The following KLF3 variants were observed in gnomAD, a reference collection of about 807,000 sequenced individuals.
KLF3 encodes the protein Krueppel-like factor 3.
In KLF3, 6 loss-of-function variants were observed where a neutral mutation model predicts 32.7. The ratio of observed to expected loss-of-function variants is 0.18; its 90% confidence interval spans 0.10 to 0.36. The LOEUF (loss-of-function observed/expected upper bound fraction) is 0.36. KLF3 is among the 10% of genes least tolerant of loss of function. The pLI is 1.00. For missense variants in KLF3, 338 were observed against 449.7 expected (o/e 0.75, Z 2.25); for synonymous variants, 145 against 172.8 (o/e 0.84, Z 1.26).
At position 38,699,140 on chromosome 4, in the gene KLF3, G is replaced by T. The variant is rs550344540; in HGVS notation, c.*1877G>T. On this transcript the variant is annotated 3_prime_UTR_variant, in exon 6 of 6. Transcript: ENST00000261438. ...ATGTAGTTAAGAAATGCAAAGAAATGTGTTATCTTGGCACTTGGGTTTGAT... is the reference window on the plus strand; with the variant it reads ...ATGTAGTTAAGAAATGCAAAGAAATTTGTTATCTTGGCACTTGGGTTTGAT... 2.0e-5 allele frequency: 3 copies of T among 152,152 alleles called. No homozygotes were observed. Among genetic ancestry groups the T allele is most frequent in the Non-Finnish European group, 2.9e-5 (2 of 68,036 alleles). 9.4% of individuals were successfully genotyped at this position (152,152 alleles called of 1,614,324 possible).
chr4:38,670,515 C>T (rs1202379165), intron 1 of KLF3, among the ~76,000 whole-genome samples: 3 of 152,200 alleles, frequency 2.0e-5, no homozygotes, highest in Non-Finnish European at 4.4e-5. Flanking sequence ...TTTCTACTAC[C>T]ACTGTTGTTT....
chr4:38,682,909 GT>G (rs138700957), intron 2 of KLF3, among the ~76,000 whole-genome samples: 12 of 150,820 alleles, frequency 8.0e-5, no homozygotes, highest in Admixed American at 2.6e-4. Flanking sequence ...AAATGAAGGT[GT>G]TTTTTTTTCT....
rs895062989 is a variant in KLF3 at position 38,671,359 on chromosome 4, G to C, written c.-40+6898G>C. Among the ~76,000 whole-genome samples, 1 of 152,212 alleles carries C rather than the reference G, an allele frequency of 6.6e-6. No individual in the cohort carries two copies. Among genetic ancestry groups the C allele is most frequent in the Non-Finnish European group, 1.5e-5 (1 of 68,038 alleles). ...CAGCAGTTATATCGACAATGCAGGT[G>C]CACTGGCTAGGAAGAATAATTGCCT... On this transcript the variant is annotated intron_variant, in intron 1 of 5. Coordinates refer to ENST00000261438, the MANE Select transcript of KLF3 (RefSeq NM_016531.6). This position sits in a 1 kb window ranked among gnomAD's most constrained non-coding sequence, Gnocchi z 4.4.
chr4:38,696,327 G>A (rs1239580798), intron 5 of KLF3, among the ~76,000 whole-genome samples: 2 of 152,032 alleles, frequency 1.3e-5, no homozygotes, highest in Non-Finnish European at 2.9e-5. Flanking sequence ...GGTGTTAAAT[G>A]GGAGTTAATT....
intron 2 of KLF3, among the ~76,000 whole-genome samples, chr4:38,687,663 G>A (rs1175843387): frequency 6.6e-6 from 1 of 152,186 alleles, no homozygotes; most frequent in African/African-American, 2.4e-5. Flanking sequence ...CAGCTTGTGT[G>A]AATGACTTTG....
chr4:38,692,562 A>G (rs1247050892), intron 4 of KLF3, among the ~76,000 whole-genome samples: 1 of 152,210 alleles, frequency 6.6e-6, no homozygotes, highest in East Asian at 1.9e-4. Flanking sequence ...AGATAACATT[A>G]TTATCATCCC....
At chr4:38,687,864 C>A (rs1046588693) in intron 2 of KLF3, among the ~76,000 whole-genome samples, 1 of 152,112 alleles carries the variant, frequency 6.6e-6, no homozygotes, top group Non-Finnish European at 1.5e-5. Flanking sequence ...TGGTGACTGA[C>A]CCCCTCCTGG....
At position 38,695,201 on chromosome 4, in the gene KLF3, G is replaced by A. The variant is rs2306112; in HGVS notation, c.856+295G>A. Among the ~76,000 whole-genome samples, 36 of 152,306 alleles carry A rather than the reference G, an allele frequency of 2.4e-4. No individual in the cohort carries two copies. In the East Asian group the frequency reaches 5.8e-3, roughly 24 times the overall value. ...TTGGAGCCTTCGCCGCTGGAATGGG[G>A]GAAGTGCTTTCACAGTCAAGGATGT... On this transcript the variant is annotated intron_variant, in intron 5 of 5. Transcript: ENST00000261438.
In KLF3 at chr4:38,697,390, A is replaced by G; in HGVS notation, c.*127A>G. The G allele has an allele frequency of 1.1e-6, 1 of 889,772 alleles. No individual in the cohort carries two copies. The highest frequency in any genetic ancestry group is 2.6e-5 in the East Asian group (1 of 38,432). 55.1% of individuals were successfully genotyped at this position (889,772 alleles called of 1,614,324 possible). On this transcript the variant is annotated 3_prime_UTR_variant, in exon 6 of 6. Transcript: ENST00000261438. Reference sequence around the variant, plus strand: ...TGATTCAGCTGGTCTGAATCTCTGAATTTATATCATCCAAAACTTCCATAT... The same window carrying G: ...TGATTCAGCTGGTCTGAATCTCTGAGTTTATATCATCCAAAACTTCCATAT...
At chr4:38,665,028 C>T (rs1721980776) in intron 1 of KLF3, 1 of 149,506 alleles carries the variant, frequency 6.7e-6, no homozygotes, top group African/African-American at 2.5e-5. Flanking sequence ...GGACACGGCG[C>T]GCGGCCGCTC....
rs572736916 is a variant in KLF3 at position 38,697,591 on chromosome 4, A to G, written c.*328A>G. The G allele has an allele frequency of 1.3e-5, 3 of 226,146 alleles. No individual in the cohort carries two copies. The highest frequency in any genetic ancestry group is 2.6e-5 in the Non-Finnish European group (3 of 115,714). The allele number at this position is 226,146 out of a possible 1,614,324, so 14.0% of individuals were successfully genotyped here. ...TAACATAACCAATTGTCAGTTCTCC[A>G]TGTATTCCTCAAAAGAATGTCAGAG... On this transcript the variant is annotated 3_prime_UTR_variant, in exon 6 of 6. Coordinates refer to ENST00000261438, the MANE Select transcript of KLF3 (RefSeq NM_016531.6).
intron 1 of KLF3, among the ~76,000 whole-genome samples, chr4:38,672,330 C>CT (rs1722220209): frequency 6.6e-6 from 1 of 152,100 alleles, no homozygotes; most frequent in Non-Finnish European, 1.5e-5. Flanking sequence ...CTCAGGAAGG[C>CT]TGAGGCCTGC....
At chr4:38,672,377 C>T (rs539450827) in intron 1 of KLF3, among the ~76,000 whole-genome samples, 1 of 152,190 alleles carries the variant, frequency 6.6e-6, no homozygotes, top group South Asian at 2.1e-4. Context: ...CGGTGTGGGA[C>T]GCACCACTGG....
At chr4:38,686,728 ATGTGTATAAGCTCGT>A (rs956251006) in intron 2 of KLF3, among the ~76,000 whole-genome samples, 3 of 152,168 alleles carry the variant, frequency 2.0e-5, no homozygotes, top group Admixed American at 6.5e-5. Flanking sequence ...CCAGGATGGC[ATGTGTATAAGCTCGT>A]TGTGTAGGTT....
At position 38,688,816 on chromosome 4, in the gene KLF3, A is replaced by G; in HGVS notation, c.289A>G (p.Met97Val). ...CCGGAGAGCCTCGCCTGGGTTGAGC[A>G]TGCCTTCTTCCAGCCCACCGATAAA... ...SHRRASPGLS[M>V]PSSSPPIKKY... Residue 97 changes from methionine to valine, a missense_variant, in exon 3 of 6, where the codon ATG (methionine) becomes GTG (valine). Transcript: ENST00000261438. This position sits in a 1 kb window ranked among gnomAD's most constrained non-coding sequence, Gnocchi z 4.9. 3.7e-6 allele frequency: 6 copies of G among 1,614,038 alleles called. No individual in the cohort carries two copies. The highest frequency in any genetic ancestry group is 5.1e-6 in the Non-Finnish European group (6 of 1,179,982).
At position 38,675,863 on chromosome 4, in the gene KLF3, C is replaced by T. The variant is rs981473815; in HGVS notation, c.-39-4724C>T. Among the ~76,000 whole-genome samples the T allele has an allele frequency of 2.6e-5, 4 of 152,232 alleles. No homozygotes were observed. The South Asian group carries it at 8.3e-4, about 32-fold the overall frequency. On this transcript the variant is annotated intron_variant, in intron 1 of 5. Coordinates refer to ENST00000261438, the MANE Select transcript of KLF3 (RefSeq NM_016531.6). ...ACCAAAGACTGCCAAGTTTAGGGACCCTAATTCTTCCAGGGCTTAAGTTAC... is the reference window on the plus strand; with the variant it reads ...ACCAAAGACTGCCAAGTTTAGGGACTCTAATTCTTCCAGGGCTTAAGTTAC...
rs1722793537 is a variant in KLF3, at chr4:38,689,040, G to A, written c.513G>A (p.Glu171=). The change falls in exon 3 of 6, where the codon GAG becomes GAA. Residue 171 remains glutamate (E), a synonymous_variant. Transcript: ENST00000261438. The part of the protein sequence containing the change: ...LQQPLMVSLS[E]EMENSSSSMQ... ...AGCCTCTCATGGTCTCCTTATCGGA[G>A]GAGATGGAAAATTCCAGTAGTAGCA... 6.2e-7 allele frequency: 1 copy of A among 1,613,810 alleles called. No individual in the cohort carries two copies. The highest frequency in any genetic ancestry group is 8.5e-7 in the Non-Finnish European group (1 of 1,179,658).
chr4:38,677,236 C>T (rs1034745731), intron 1 of KLF3, among the ~76,000 whole-genome samples: 22 of 152,166 alleles, frequency 1.4e-4, no homozygotes, highest in African/African-American at 1.9e-4. Flanking sequence ...GCTGGAATTA[C>T]AGGCATGAGC....
At chr4:38,668,473 T>G (rs1579114783) in intron 1 of KLF3, among the ~76,000 whole-genome samples, 1 of 152,286 alleles carries the variant, frequency 6.6e-6, no homozygotes, top group South Asian at 2.1e-4. Flanking sequence ...CACCACATTC[T>G]TTATGTATAA....
Sources: allele counts gnomAD v4.1 joint callset (sites outside exome capture counted in the v4.1 genomes callset), GRCh38; gene constraint gnomAD v4.1.1; non-coding constraint Gnocchi (gnomAD v3.1); transcripts MANE v1.5; gene names NCBI Gene and HGNC (gene_info 2026-07-23, HGNC 2026-07-21).